Variants in PCDH11X observed in about 807,000 individuals in gnomAD.
PCDH11X encodes the protein protocadherin-11 X-linked.
A neutral mutation model predicts 53.3 loss-of-function variants in PCDH11X; 18 were observed. The observed-to-expected ratio is 0.34, with a 90% CI of 0.23 to 0.50. PCDH11X has a LOEUF of 0.50. Ranked by LOEUF, PCDH11X falls within the 20% of genes least tolerant of loss-of-function variation. The pLI is 0.98. For missense variants in PCDH11X, 570 were observed against 1,032.4 expected (o/e 0.55, Z 6.14); for synonymous variants, 279 against 393.3 (o/e 0.71, Z 3.44).
chrX:92,089,299 A>G (rs2064008599), intron 6 of PCDH11X, among the ~76,000 whole-genome samples: 1 of 111,686 alleles, frequency 9.0e-6, no homozygotes, highest in Non-Finnish European at 1.9e-5. Flanking sequence ...TAAATATAAC[A>G]ATTTGATTTC....
chrX:92,215,261 C>A (rs1027926446), intron 7 of PCDH11X, among the ~76,000 whole-genome samples: 3 of 109,573 alleles, frequency 2.7e-5, no homozygotes, highest in Non-Finnish European at 5.7e-5. Context: ...TTGCCTCACT[C>A]GGGAAGCGCA....
At chrX:92,177,203 C>A (rs1041196133) in intron 6 of PCDH11X, among the ~76,000 whole-genome samples, 24 of 110,256 alleles carry the variant, frequency 2.2e-4, no homozygotes, top group Non-Finnish European at 3.8e-4. Flanking sequence ...GTCTTGAACT[C>A]CTGACCTCAA....
intron 8 of PCDH11X, among the ~76,000 whole-genome samples, chrX:92,362,650 CA>C (rs1401983919): frequency 2.9e-4 from 5 of 17,223 alleles, no homozygotes; most frequent in Admixed American, 1.6e-3. Flanking sequence ...TTTGTGTAGT[CA>C]AATGTATCTA....
At chrX:92,223,856 G>A (rs774382337) in intron 7 of PCDH11X, among the ~76,000 whole-genome samples, 1 of 111,250 alleles carries the variant, frequency 9.0e-6, no homozygotes, top group African/African-American at 3.3e-5. Flanking sequence ...TACATATGGT[G>A]TATGTATGTA....
chrX:91,873,792 C>A (rs370755460), intron 5 of PCDH11X, among the ~76,000 whole-genome samples: 1 of 111,672 alleles, frequency 9.0e-6, no homozygotes, highest in Non-Finnish European at 1.9e-5. Flanking sequence ...AACTTTGGAA[C>A]ATTTTCCTTG....
At chrX:92,592,662 C>A (rs1322671339) in intron 10 of PCDH11X, among the ~76,000 whole-genome samples, 1 of 111,570 alleles carries the variant, frequency 9.0e-6, no homozygotes, top group Non-Finnish European at 1.9e-5. Flanking sequence ...ACCGGGGAAG[C>A]GGAGGTTGCA....
In PCDH11X at chrX:92,588,426, G is replaced by GTA. The variant is rs1453800814; in HGVS notation, c.3368-29829_3368-29828dup. ...TATATATGTTTGTGTGTGTATATGT[G>GTA]TATATATATACATATAATTTAACAA... On this transcript the variant is annotated intron_variant, in intron 10 of 10. Transcript: ENST00000682573. 6.8e-5 allele frequency among the ~76,000 whole-genome samples: 7 copies of GTA among 103,239 alleles called. No individual in the cohort carries two copies. The East Asian group carries it at 9.1e-4, about 13-fold the overall frequency. The allele number at this position is 103,239 out of a possible 115,157, so 89.7% of individuals were successfully genotyped here. A position where few individuals can be genotyped will look rare whatever the true frequency, so the allele number is the denominator to read the frequency against.
chrX:92,319,324 A>T (rs1339997847), intron 8 of PCDH11X, among the ~76,000 whole-genome samples: 4 of 111,794 alleles, frequency 3.6e-5, no homozygotes, highest in African/African-American at 1.3e-4. Context: ...TTGCAAAATT[A>T]TTAATTTAAT....
chrX:92,338,949 C>T (rs1369804985), intron 8 of PCDH11X, among the ~76,000 whole-genome samples: 1 of 111,494 alleles, frequency 9.0e-6, no homozygotes. Flanking sequence ...AAAAAAGAGC[C>T]TGAGTAGTCA....
rs1243611651 is a variant in PCDH11X, at chrX:92,190,240, T to C, written c.3034-11135T>C. On this transcript the variant is annotated intron_variant, in intron 6 of 10. Coordinates refer to ENST00000682573, the MANE Select transcript of PCDH11X (RefSeq NM_032968.5). ...AACCCATCTTGTGTTAATTTTTATA[T>C]CAGATGTAAGGAAGAGGGATCTAGT... 4.5e-5 allele frequency among the ~76,000 whole-genome samples: 5 copies of C among 111,417 alleles called. No individual in the cohort carries two copies. In the Admixed American group the frequency reaches 4.8e-4, roughly 11 times the overall value.
intron 7 of PCDH11X, among the ~76,000 whole-genome samples, chrX:92,245,274 C>T (rs1364272693): frequency 8.9e-6 from 1 of 112,086 alleles, no homozygotes; most frequent in African/African-American, 3.2e-5. Flanking sequence ...GTGGATCACT[C>T]AGGAGGACTG....
chrX:91,861,159 A>T (rs1355066369), intron 5 of PCDH11X, among the ~76,000 whole-genome samples: 1 of 111,267 alleles, frequency 9.0e-6, no homozygotes, highest in Non-Finnish European at 1.9e-5. Context: ...TTCATAACTC[A>T]TTATTGGTCT....
chrX:91,940,695 AT>A (rs10611094), intron 6 of PCDH11X, among the ~76,000 whole-genome samples: 24,239 of 84,577 alleles, frequency 0.29, 2,806 homozygotes, highest in African/African-American at 0.35. Context: ...GGCTAATAGA[AT>A]TTTTTTTTTT....
intron 7 of PCDH11X, among the ~76,000 whole-genome samples, chrX:92,217,134 AC>A: frequency 9.0e-6 from 1 of 111,107 alleles, no homozygotes. Context: ...CTAGGAAGAA[AC>A]TGCATCAACT....
intron 6 of PCDH11X, among the ~76,000 whole-genome samples, chrX:92,087,941 A>G (rs2148114039): frequency 9.4e-6 from 1 of 106,442 alleles, no homozygotes; most frequent in South Asian, 3.9e-4. Context: ...TTATATATAT[A>G]TGATATATAT....
At chrX:92,031,840 A>G (rs1569318076) in intron 6 of PCDH11X, among the ~76,000 whole-genome samples, 1 of 111,346 alleles carries the variant, frequency 9.0e-6, no homozygotes, top group Non-Finnish European at 1.9e-5. Context: ...CCACTGATCT[A>G]TGTGTCTGTT....
rs78958988 is a variant in PCDH11X at position 92,343,403 on chromosome X, G to A, written c.3145-44332G>A. ...GTCGGTTTTCACCTTACCCTTTGAT[G>A]TGGTGGATAATATTACAGTAAAGAG... On this transcript the variant is annotated intron_variant, in intron 8 of 10. Coordinates refer to ENST00000682573, the MANE Select transcript of PCDH11X (RefSeq NM_032968.5). Among the ~76,000 whole-genome samples the A allele has an allele frequency of 2.6e-3, 294 of 111,336 alleles. 6 individuals are homozygous for A. In the East Asian group the frequency reaches 0.051, roughly 19 times the overall value.
At chrX:92,199,612 T>C (rs970835782) in intron 6 of PCDH11X, among the ~76,000 whole-genome samples, 1 of 111,109 alleles carries the variant, frequency 9.0e-6, no homozygotes, top group Non-Finnish European at 1.9e-5. Flanking sequence ...TCAGCAGTTC[T>C]GTATATTGGG....
intron 10 of PCDH11X, among the ~76,000 whole-genome samples, chrX:92,547,242 A>G (rs1174242559): frequency 2.8e-5 from 3 of 106,021 alleles, no homozygotes; most frequent in Non-Finnish European, 5.8e-5. Flanking sequence ...TGATTTCTCT[A>G]TTGGCTCATA....
Sources: gnomAD v4.1 joint callset for allele counts (sites outside exome capture counted in the v4.1 genomes callset) on GRCh38, gnomAD v4.1.1 for gene constraint, MANE v1.5 for transcripts, NCBI Gene and HGNC (gene_info 2026-07-23, HGNC 2026-07-21) for gene names.